The following FOLH1 variants were observed in gnomAD, a reference collection of about 807,000 sequenced individuals.
FOLH1 encodes the protein glutamate carboxypeptidase 2.
A neutral mutation model predicts 93.9 loss-of-function variants in FOLH1; 54 were observed. The observed-to-expected ratio is 0.57, with a 90% CI of 0.46 to 0.72. The LOEUF (loss-of-function observed/expected upper bound fraction) is 0.72. Ranked by LOEUF, FOLH1 falls within the 30% of genes least tolerant of loss-of-function variation. The pLI, the probability that FOLH1 is intolerant of heterozygous loss-of-function variation, is 0.00. For synonymous variants in FOLH1, 249 were observed against 303.6 expected (o/e 0.82, Z 1.87); for missense variants, 571 against 892.5 (o/e 0.64, Z 4.59).
chr11:49,176,329 T>C (rs2135118317), intron 7 of FOLH1, among the ~76,000 whole-genome samples: 1 of 152,366 alleles, frequency 6.6e-6, no homozygotes, highest in African/African-American at 2.4e-5. Context: ...TTTCCATTCT[T>C]ATTTGTCTCA....
At chr11:49,180,129 G>A (rs1319751797) in intron 7 of FOLH1, among the ~76,000 whole-genome samples, 2 of 151,776 alleles carry the variant, frequency 1.3e-5, no homozygotes, top group Admixed American at 6.5e-5. Flanking sequence ...TTTGGGCCCC[G>A]GCTCTCTCAC....
At chr11:49,207,053 C>A (rs1477345435) in intron 1 of FOLH1, among the ~76,000 whole-genome samples, 2 of 152,172 alleles carry the variant, frequency 1.3e-5, no homozygotes, top group East Asian at 3.8e-4. Context: ...TATTAAAATA[C>A]ATGATTGCAC....
intron 2 of FOLH1, among the ~76,000 whole-genome samples, chr11:49,201,283 A>G (rs1863230828): frequency 2.2e-5 from 3 of 136,648 alleles, no homozygotes; most frequent in Admixed American, 1.4e-4. Context: ...TATATAGTTC[A>G]TAAACTTTTG....
At chr11:49,167,478 T>C (rs1413377367) in intron 12 of FOLH1, among the ~76,000 whole-genome samples, 2 of 152,154 alleles carry the variant, frequency 1.3e-5, no homozygotes, top group Non-Finnish European at 2.9e-5. Context: ...ATGCACTGTG[T>C]AAACTAACTT....
chr11:49,183,135 T>C lies in FOLH1; in HGVS notation c.920+14A>G. On this transcript the variant is annotated intron_variant, in intron 7 of 18. Coordinates refer to ENST00000256999, the MANE Select transcript of FOLH1 (RefSeq NM_004476.3). Reference sequence around the variant, plus strand: ...ATTACCCAAATAGCCATCCATGGTTTCTTACAAACTTACTCTAGGAGCTTC... The same window carrying C: ...ATTACCCAAATAGCCATCCATGGTTCCTTACAAACTTACTCTAGGAGCTTC... The C allele has an allele frequency of 4.4e-6, 7 of 1,581,062 alleles. No homozygotes were observed. The highest frequency in any genetic ancestry group is 6.0e-6 in the Non-Finnish European group (7 of 1,166,388).
rs758439576 is a variant in FOLH1 at position 49,174,901 on chromosome 11, C to A, written c.1096G>T (p.Val366Leu). 6 of 1,608,588 alleles carry A rather than the reference C, an allele frequency of 3.7e-6. No homozygotes were observed. The highest frequency in any genetic ancestry group is 5.1e-6 in the Non-Finnish European group (6 of 1,176,246). The change falls in exon 9 of 19, where the codon GTG (valine) becomes TTG (leucine). Residue 366 changes from valine (V) to leucine (L), a missense_variant. This residue lies in a region of FOLH1 where 500 missense variants were observed against 822.9 expected (regional missense o/e 0.61). Transcript: ENST00000256999. ...CAAACGATTCCTTTACCTGGTTCCA[C>A]TGCTCCTCTGAGAGTACCTATCACA... ...YNVIGTLRGA[V>L]EPDRYVILGG...
intron 7 of FOLH1, among the ~76,000 whole-genome samples, chr11:49,180,839 T>C (rs771613341): frequency 1.3e-5 from 2 of 152,224 alleles, no homozygotes; most frequent in Non-Finnish European, 2.9e-5. Context: ...ATTTTGAATG[T>C]AAAATGCACT....
chr11:49,207,780 T>C, intron 1 of FOLH1: 1 of 422,646 alleles, frequency 2.4e-6, no homozygotes, highest in Non-Finnish European at 4.6e-6. Flanking sequence ...GGTTCTGCTT[T>C]TCTTAGAAAG....
Position 49,146,698 on chromosome 11 carries a change from C to G in FOLH1, c.*58G>C. The G allele has an allele frequency of 6.6e-7, 1 of 1,511,630 alleles. No individual in the cohort carries two copies. Among genetic ancestry groups the G allele is most frequent in the Non-Finnish European group, 8.9e-7 (1 of 1,126,476 alleles). 93.6% of individuals were successfully genotyped at this position (1,511,630 alleles called of 1,614,324 possible). A position where few individuals can be genotyped will look rare whatever the true frequency, so the allele number is the denominator to read the frequency against. On this transcript the variant is annotated 3_prime_UTR_variant, in exon 19 of 19. Coordinates refer to ENST00000256999, the MANE Select transcript of FOLH1 (RefSeq NM_004476.3). ...TTAAAATTTATCAATATACCCATTA[C>G]GATTCTTTCTGAGTGACATACCACA... is the stretch of plus-strand genomic sequence containing the variant.
At chr11:49,154,798 GA>G (rs1397742232) in intron 15 of FOLH1, among the ~76,000 whole-genome samples, 1 of 151,268 alleles carries the variant, frequency 6.6e-6, no homozygotes, top group Non-Finnish European at 1.5e-5. Context: ...TTAAGAATCT[GA>G]AAAAAAAGAC....
chr11:49,192,927 A>T (rs770146374), intron 3 of FOLH1, 33 bp from the exon 4 acceptor site: 1 of 1,538,392 alleles, frequency 6.5e-7, no homozygotes, highest in East Asian at 2.3e-5. Flanking sequence ...TCAAAATAAA[A>T]CAGTTAAAGT....
At chr11:49,199,567 C>T (rs1176756707) in intron 3 of FOLH1, among the ~76,000 whole-genome samples, 1 of 151,904 alleles carries the variant, frequency 6.6e-6, no homozygotes, top group East Asian at 1.9e-4. Context: ...CCGTGCATTT[C>T]CCAGCAACTC....
chr11:49,198,966 T>C (rs1862982233), intron 3 of FOLH1, among the ~76,000 whole-genome samples: 1 of 152,070 alleles, frequency 6.6e-6, no homozygotes, highest in South Asian at 2.1e-4. Flanking sequence ...GAACAGTAGT[T>C]AATATGAAAA....
At chr11:49,193,253 T>C (rs1292581247) in intron 3 of FOLH1, among the ~76,000 whole-genome samples, 1 of 152,230 alleles carries the variant, frequency 6.6e-6, no homozygotes, top group Non-Finnish European at 1.5e-5. Flanking sequence ...AGGAATACTA[T>C]ATACTGTAAA....
rs1191648186 is a variant in FOLH1, at chr11:49,187,900, T to C, written c.514-1131A>G. 2.6e-5 allele frequency among the ~76,000 whole-genome samples: 4 copies of C among 152,352 alleles called. No homozygotes were observed. In the East Asian group the frequency reaches 7.7e-4, roughly 29 times the overall value. ...GAGACCTGGACATCTCAGTCTAACG[T>C]AGGACAATTCTGAGAAACTATTCCA... On this transcript the variant is annotated intron_variant, in intron 4 of 18. Transcript: ENST00000256999.
At chr11:49,174,531 T>C (rs1466754002) in intron 9 of FOLH1, among the ~76,000 whole-genome samples, 1 of 152,158 alleles carries the variant, frequency 6.6e-6, no homozygotes, top group Non-Finnish European at 1.5e-5. Context: ...TATAGATGTT[T>C]ATAGTTATCA....
At chr11:49,191,119 C>T (rs184501297) in intron 4 of FOLH1, among the ~76,000 whole-genome samples, 1 of 152,322 alleles carries the variant, frequency 6.6e-6, no homozygotes, top group African/African-American at 2.4e-5. Flanking sequence ...TCACGCCATT[C>T]TCCTGCCTCA....
intron 4 of FOLH1, among the ~76,000 whole-genome samples, chr11:49,188,373 G>C (rs1861647366): frequency 6.6e-6 from 1 of 151,786 alleles, no homozygotes; most frequent in Non-Finnish European, 1.5e-5. Flanking sequence ...AAATCAGCTG[G>C]GCGTGGTGGC....
At position 49,177,014 on chromosome 11, in the gene FOLH1, C is replaced by T. The variant is rs573297471; in HGVS notation, c.921-1057G>A. ...GGCTGTGCGGTGCAGCATGCTCTGT[C>T]ATGTCCTGTTTTCTTCTGTGCCTGT... On this transcript the variant is annotated intron_variant, in intron 7 of 18. Transcript: ENST00000256999. Among the ~76,000 whole-genome samples the T allele has an allele frequency of 4.6e-5, 7 of 152,370 alleles. No homozygotes were observed. The East Asian group carries it at 1.4e-3, about 29-fold the overall frequency.
Sources: allele counts gnomAD v4.1 joint callset (sites outside exome capture counted in the v4.1 genomes callset), GRCh38; gene constraint gnomAD v4.1.1; regional missense constraint gnomAD v4.1.1; transcripts MANE v1.5; gene names NCBI Gene and HGNC (gene_info 2026-07-23, HGNC 2026-07-21).